GALNT2: variants seen among roughly 807,000 people sequenced by gnomAD.
The protein encoded by GALNT2 is UDP-GalNAc:polypeptide N-acetylgalactosaminyltransferase 2.
Under a neutral mutation model 81.4 loss-of-function variants are expected in GALNT2, and 31 were observed. That is an observed-to-expected ratio of 0.38 (90% CI 0.29 to 0.51). The LOEUF (loss-of-function observed/expected upper bound fraction) is 0.51. Among genes scored for constraint, GALNT2 ranks in the 20% least tolerant of loss-of-function variants. The pLI, the probability that GALNT2 is intolerant of heterozygous loss-of-function variation, is 0.87. For missense variants in GALNT2, 629 were observed against 765.7 expected (o/e 0.82, Z 2.11); for synonymous variants, 303 against 287.4 (o/e 1.05, Z -0.55).
chr1:230,197,070 A>G (rs1663717846), intron 2 of GALNT2, among the ~76,000 whole-genome samples: 1 of 151,996 alleles, frequency 6.6e-6, no homozygotes, highest in African/African-American at 2.4e-5. Context: ...TCTTTCAAGC[A>G]CTAACACCCC....
chr1:230,208,341 G>C (rs961413428), intron 3 of GALNT2, among the ~76,000 whole-genome samples: 1 of 152,154 alleles, frequency 6.6e-6, no homozygotes, highest in African/African-American at 2.4e-5. Context: ...AGGGTGCCAA[G>C]GATTGTGGCT....
intron 1 of GALNT2, among the ~76,000 whole-genome samples, chr1:230,083,194 GC>G (rs1319159464): frequency 2.0e-5 from 3 of 147,782 alleles, no homozygotes; most frequent in Non-Finnish European, 4.5e-5. Flanking sequence ...GGAGCAGGGA[GC>G]CAGGATGATG....
intron 1 of GALNT2, among the ~76,000 whole-genome samples, chr1:230,072,920 G>T (rs1659420573): frequency 6.6e-6 from 1 of 152,186 alleles, no homozygotes; most frequent in Non-Finnish European, 1.5e-5. Flanking sequence ...AGGAGGCCTA[G>T]CCCCACTTCC....
chr1:230,241,572 G>A (rs1046151675), intron 6 of GALNT2, among the ~76,000 whole-genome samples: 91 of 152,078 alleles, frequency 6.0e-4, no homozygotes, highest in African/African-American at 2.0e-3. Flanking sequence ...TCAGCCTGCC[G>A]AGTAGCTGGG....
At chr1:230,073,965 G>C (rs546543490) in intron 1 of GALNT2, among the ~76,000 whole-genome samples, 27 of 152,324 alleles carry the variant, frequency 1.8e-4, no homozygotes, top group Non-Finnish European at 3.4e-4. Context: ...GGCCAGGAGG[G>C]TTGGGGGTAG....
At chr1:230,084,754 A>G (rs1451313267) in intron 1 of GALNT2, among the ~76,000 whole-genome samples, 26 of 151,970 alleles carry the variant, frequency 1.7e-4, no homozygotes, top group Non-Finnish European at 4.4e-5. Flanking sequence ...CTACCAAGTC[A>G]TTTTGCCCTT....
chr1:230,255,390 C>A, intron 11 of GALNT2, 46 bp downstream of exon 11: 1 of 1,612,584 alleles, frequency 6.2e-7, no homozygotes, highest in South Asian at 1.1e-5. Context: ...TGATGACTAC[C>A]CTGAAAGCAG....
chr1:230,150,250 A>T (rs1662051638), intron 1 of GALNT2, among the ~76,000 whole-genome samples: 1 of 152,164 alleles, frequency 6.6e-6, no homozygotes, highest in Admixed American at 6.5e-5. Context: ...GTTTTTCTGT[A>T]CCGAAGCTTC....
intron 1 of GALNT2, among the ~76,000 whole-genome samples, chr1:230,124,035 G>C (rs1035969139): frequency 1.3e-5 from 2 of 152,224 alleles, no homozygotes; most frequent in African/African-American, 4.8e-5. Context: ...ATAGTGACGT[G>C]AGGATGACCT....
chr1:230,278,809 C>T (rs940675801), intron 15 of GALNT2, among the ~76,000 whole-genome samples: 4 of 152,210 alleles, frequency 2.6e-5, no homozygotes, highest in East Asian at 1.9e-4. Flanking sequence ...CTGGCTCCCC[C>T]GAGCAGAAAG....
intron 1 of GALNT2, among the ~76,000 whole-genome samples, chr1:230,109,270 C>T (rs998104948): frequency 2.0e-5 from 3 of 152,048 alleles, no homozygotes; most frequent in Admixed American, 6.6e-5. Flanking sequence ...CAGGGAGGTG[C>T]GGGGTGGGGT....
At chr1:230,256,893 A>T (rs553003073) in intron 11 of GALNT2, among the ~76,000 whole-genome samples, 1 of 152,274 alleles carries the variant, frequency 6.6e-6, no homozygotes, top group South Asian at 2.1e-4. Flanking sequence ...AAGCAGTAGG[A>T]GAGGTTTTCA....
chr1:230,168,287 C>G (rs73111933), intron 1 of GALNT2, among the ~76,000 whole-genome samples: 16,465 of 152,256 alleles, frequency 0.11, 1,387 homozygotes, highest in East Asian at 0.26. Flanking sequence ...AAGAGCTGAC[C>G]TGCTTCATAA....
At chr1:230,123,876 G>A (rs1345233263) in intron 1 of GALNT2, among the ~76,000 whole-genome samples, 1 of 152,172 alleles carries the variant, frequency 6.6e-6, no homozygotes, top group Non-Finnish European at 1.5e-5. Context: ...CTTAGCAGAT[G>A]TGATACAGAA....
At chr1:230,058,918 G>A (rs1658980321) in intron 1 of GALNT2, among the ~76,000 whole-genome samples, 1 of 152,114 alleles carries the variant, frequency 6.6e-6, no homozygotes, top group African/African-American at 2.4e-5. Context: ...GACAGGGCCT[G>A]GGCAAGCTCT....
intron 1 of GALNT2, among the ~76,000 whole-genome samples, chr1:230,060,986 C>T (rs1014021124): frequency 1.3e-5 from 2 of 152,060 alleles, no homozygotes; most frequent in Non-Finnish European, 2.9e-5. Flanking sequence ...ATGCTCCAGG[C>T]TCATTTAATA....
intron 1 of GALNT2, among the ~76,000 whole-genome samples, chr1:230,157,267 AT>A (rs1328613440): frequency 6.6e-6 from 1 of 152,316 alleles, no homozygotes; most frequent in East Asian, 1.9e-4. Context: ...TAGCAAACTT[AT>A]AGAAAGCTGC....
At chr1:230,090,798 G>A (rs1558279275) in intron 1 of GALNT2, among the ~76,000 whole-genome samples, 1 of 152,182 alleles carries the variant, frequency 6.6e-6, no homozygotes, top group Non-Finnish European at 1.5e-5. Flanking sequence ...ATGAGTTAAA[G>A]TAAGAGAGAG....
intron 1 of GALNT2, among the ~76,000 whole-genome samples, chr1:230,125,326 G>A (rs1488658397): frequency 6.6e-6 from 1 of 152,218 alleles, no homozygotes; most frequent in East Asian, 1.9e-4. Context: ...TGGGGAGAAA[G>A]AAGGAATAGC....
Sources: gnomAD v4.1 joint callset for allele counts (sites outside exome capture counted in the v4.1 genomes callset) on GRCh38, gnomAD v4.1.1 for gene constraint, MANE v1.5 for transcripts, NCBI Gene and HGNC (gene_info 2026-07-23, HGNC 2026-07-21) for gene names.